The following CRTC1 variants were observed in gnomAD, a reference collection of about 807,000 sequenced individuals.
CRTC1 encodes the protein CREB regulated transcription coactivator 1, also known as CREB-regulated transcription coactivator 1.
CRTC1 carries 18 observed loss-of-function variants against 66.1 expected under a neutral mutation model. The observed-to-expected ratio is 0.27, with a 90% CI of 0.19 to 0.40. The LOEUF (loss-of-function observed/expected upper bound fraction) is 0.40, where lower values mean the gene tolerates loss of function less well. Among genes scored for constraint, CRTC1 ranks in the 10% least tolerant of loss-of-function variants. CRTC1 has a pLI of 1.00. For missense variants in CRTC1, 669 were observed against 887.9 expected (o/e 0.75, Z 3.13); for synonymous variants, 416 against 398.8 (o/e 1.04, Z -0.51).
chr19:18,737,302 A>G (rs1172338453), intron 1 of CRTC1, among the ~76,000 whole-genome samples: 1 of 151,784 alleles, frequency 6.6e-6, no homozygotes, highest in African/African-American at 2.4e-5. Context: ...CGCAGGCTGT[A>G]TCAGGAGCGG....
chr19:18,699,686 C>T (rs879794916), intron 1 of CRTC1, among the ~76,000 whole-genome samples: 73 of 152,304 alleles, frequency 4.8e-4, no homozygotes, highest in Non-Finnish European at 8.1e-4. Context: ...CCTGAGGTTG[C>T]GGCTCTGAGC....
Position 18,775,754 on chromosome 19 carries a change from G to C in CRTC1, c.1626G>C (p.Gly542=). ...TGATGGGCCTCACGGGCAGCCACGG[G>C]AGCCTGCCGGACTCGCAGCAACTGG... ...AAMMGLTGSH[G]SLPDSQQLGY... is the part of the protein sequence containing the mutation. The change falls in exon 13 of 14, where the codon GGG becomes GGC. Residue 542 remains glycine, a synonymous_variant. Coordinates refer to ENST00000321949, the MANE Select transcript of CRTC1 (RefSeq NM_015321.3). The C allele has an allele frequency of 6.2e-7, 1 of 1,612,240 alleles. No individual in the cohort carries two copies. Among genetic ancestry groups the C allele is most frequent in the Non-Finnish European group, 8.5e-7 (1 of 1,179,620 alleles).
rs2054231635 is a variant in CRTC1 at position 18,746,170 on chromosome 19, A to C, written c.381+210A>C. ...CACAAGCCCTGGAGCCTTTGGCCAG[A>C]CTTGGGGGCTCAAGGGGCACAGGGA... On this transcript the variant is annotated intron_variant, in intron 3 of 13. Transcript: ENST00000321949. 2.0e-5 allele frequency among the ~76,000 whole-genome samples: 3 copies of C among 152,116 alleles called. No homozygotes were observed. In the South Asian group the frequency reaches 6.2e-4, roughly 31 times the overall value.
At chr19:18,733,123 C>T (rs559494748) in intron 1 of CRTC1, among the ~76,000 whole-genome samples, 5 of 152,044 alleles carry the variant, frequency 3.3e-5, no homozygotes, top group Non-Finnish European at 5.9e-5. Context: ...GACAGCCCTC[C>T]CGGCTGGGGA....
chr19:18,730,829 C>T (rs2053870095), intron 1 of CRTC1, among the ~76,000 whole-genome samples: 1 of 152,194 alleles, frequency 6.6e-6, no homozygotes, highest in African/African-American at 2.4e-5. Flanking sequence ...ACCAGTGGCC[C>T]CCCTGGCTGT....
chr19:18,723,620 C>T (rs1023488283), intron 1 of CRTC1, among the ~76,000 whole-genome samples: 15 of 152,188 alleles, frequency 9.9e-5, no homozygotes, highest in African/African-American at 3.1e-4. Flanking sequence ...GGTGGGCTTG[C>T]GTCACATTAG....
Position 18,777,189 on chromosome 19 carries a change from C to G in CRTC1, c.1712C>G (p.Pro571Arg), listed in dbSNP as rs775662830. 2 of 1,601,352 alleles carry G rather than the reference C, an allele frequency of 1.2e-6. No homozygotes were observed. Among genetic ancestry groups the G allele is most frequent in the Non-Finnish European group, 1.7e-6 (2 of 1,172,098 alleles). Residue 571 changes from proline to arginine, a missense_variant, in exon 14 of 14, where the codon CCC (proline) becomes CGC (arginine). By Grantham distance (103) the Pro-to-Arg change is moderately radical (BLOSUM62 -2). Transcript: ENST00000321949. The surrounding 1 kb of genome is among the most constrained non-coding windows in gnomAD (Gnocchi z 5.5). ...IILTVTGESP[P>R]SLSKELTSSL... ...CCCCCAGTGACAGGAGAGTCCCCCC[C>G]CAGCCTCTCTAAAGAACTGACCAGC...
chr19:18,689,856 A>G (rs1017725300), intron 1 of CRTC1, among the ~76,000 whole-genome samples: 2 of 151,344 alleles, frequency 1.3e-5, no homozygotes, highest in African/African-American at 4.9e-5. Flanking sequence ...TGTGCTGGGG[A>G]GTAGAGTTGC....
rs115105855 is a variant in CRTC1 at position 18,709,394 on chromosome 19, G to A, written c.126+25566G>A. ...GTGGGAGAAGGGCTGCAGCAGGGGG[G>A]TGTGGCTCCTGGTGCAGGGGACAGG... On this transcript the variant is annotated intron_variant, in intron 1 of 13. Coordinates refer to ENST00000321949, the MANE Select transcript of CRTC1 (RefSeq NM_015321.3). 6.3e-3 allele frequency among the ~76,000 whole-genome samples: 957 copies of A among 152,332 alleles called. 14 individuals carry two copies. Among genetic ancestry groups the A allele is most frequent in the African/African-American group, 0.022 (916 of 41,562 alleles).
chr19:18,725,474 C>T (rs1600852014), intron 1 of CRTC1, among the ~76,000 whole-genome samples: 4 of 151,998 alleles, frequency 2.6e-5, no homozygotes, highest in African/African-American at 9.7e-5. Flanking sequence ...CGGCCACCCT[C>T]CTGGAGCGGA....
rs376102403 is a variant in CRTC1 at position 18,759,753 on chromosome 19, C to T, written c.665+162C>T. 1.4e-3 allele frequency among the ~76,000 whole-genome samples: 209 copies of T among 152,292 alleles called. 1 individual carries two copies. The highest frequency in any genetic ancestry group is 4.9e-3 in the African/African-American group (204 of 41,560). On this transcript the variant is annotated intron_variant, in intron 7 of 13. Transcript: ENST00000321949. ...CCCCCACATGCCCACCCCTCAGGCA[C>T]CTCATTCCCAGGGATGATGCCCTCT...
chr19:18,710,584 G>A (rs2053368009), intron 1 of CRTC1, among the ~76,000 whole-genome samples: 1 of 152,056 alleles, frequency 6.6e-6, no homozygotes. Flanking sequence ...ACCCTTGACT[G>A]TTTATTTTTT....
At chr19:18,693,770 A>C (rs1308383638) in intron 1 of CRTC1, among the ~76,000 whole-genome samples, 1 of 149,932 alleles carries the variant, frequency 6.7e-6, no homozygotes, top group Admixed American at 6.7e-5. Context: ...GTGAGCCACC[A>C]TTCCCGGCCC....
intron 1 of CRTC1, among the ~76,000 whole-genome samples, chr19:18,728,309 A>T (rs1446943885): frequency 6.6e-6 from 1 of 152,108 alleles, no homozygotes; most frequent in Non-Finnish European, 1.5e-5. Context: ...CATTAGCCTC[A>T]TTTGAAACTT....
intron 13 of CRTC1, 125 bp downstream of exon 13, chr19:18,775,946 G>A (rs2054979023): frequency 9.7e-7 from 1 of 1,026,012 alleles, no homozygotes; most frequent in Non-Finnish European, 1.4e-6. Flanking sequence ...CAAGCTTGAT[G>A]GGGGCCTGAG....
At chr19:18,750,562 A>G (rs561931614) in intron 5 of CRTC1, among the ~76,000 whole-genome samples, 69 of 152,362 alleles carry the variant, frequency 4.5e-4, no homozygotes, top group African/African-American at 1.4e-3. Context: ...GGGAGCTTGG[A>G]GGCTTGAGGC....
At position 18,701,207 on chromosome 19, in the gene CRTC1, C is replaced by T. The variant is rs148013194; in HGVS notation, c.126+17379C>T. ...GGTGGAGGCTGCCTGCTCGCGGGCC[C>T]GCCCCCAGAGCCCGGGGCTCATCAC... On this transcript the variant is annotated intron_variant, in intron 1 of 13. Transcript: ENST00000321949. 3.6e-3 allele frequency among the ~76,000 whole-genome samples: 547 copies of T among 152,372 alleles called. 4 individuals carry two copies. The Middle Eastern group carries it at 0.048, about 13-fold the overall frequency.
rs2054876583 is a variant in CRTC1, at chr19:18,771,857, T to C, written c.1425+311T>C. On this transcript the variant is annotated intron_variant, in intron 11 of 13. Transcript: ENST00000321949. This position sits in a 1 kb window ranked among gnomAD's most constrained non-coding sequence, Gnocchi z 4.6. ...TCCTCATTGAGTGGCCCAGGGACAATGCCCTCCACACCCAGTGTGTCACCC... is the reference window on the plus strand; with the variant it reads ...TCCTCATTGAGTGGCCCAGGGACAACGCCCTCCACACCCAGTGTGTCACCC... 1.3e-5 allele frequency among the ~76,000 whole-genome samples: 2 copies of C among 152,122 alleles called. No individual in the cohort carries two copies. The highest frequency in any genetic ancestry group is 3.9e-4 in the East Asian group (2 of 5,194).
In CRTC1 at chr19:18,743,037, C is replaced by T. The variant is rs771044924; in HGVS notation, c.243+11C>T. 7.5e-6 allele frequency: 12 copies of T among 1,589,638 alleles called. No individual in the cohort carries two copies. Among genetic ancestry groups the T allele is most frequent in the African/African-American group, 4.0e-5 (3 of 74,460 alleles). ...GACCTGCCCTTCCAGGTGAGTGCCC[C>T]GCCCCCTGGCCCTGCCCCATTGTGG... On this transcript the variant is annotated intron_variant, in intron 2 of 13. Coordinates refer to ENST00000321949, the MANE Select transcript of CRTC1 (RefSeq NM_015321.3).
Sources: allele counts gnomAD v4.1 joint callset (sites outside exome capture counted in the v4.1 genomes callset), GRCh38; gene constraint gnomAD v4.1.1; non-coding constraint Gnocchi (gnomAD v3.1); transcripts MANE v1.5; gene names NCBI Gene and HGNC (gene_info 2026-07-23, HGNC 2026-07-21).